Variants in LRRC28 observed in about 807,000 individuals in gnomAD.
LRRC28 encodes the protein leucine rich repeat containing 28, also known as leucine-rich repeat-containing protein 28.
In LRRC28, 39 loss-of-function variants were observed where a neutral mutation model predicts 45.7. The ratio of observed to expected loss-of-function variants is 0.85; its 90% CI spans 0.66 to 1.12. LRRC28 has a LOEUF of 1.12. Among genes scored for constraint, LRRC28 ranks in the 50% most tolerant of loss-of-function variants. LRRC28 has a pLI of 0.00. For synonymous variants in LRRC28, 206 were observed against 178.8 expected (o/e 1.15, Z -1.22); for missense variants, 435 against 438.5 (o/e 0.99, Z 0.07).
intron 3 of LRRC28, chr15:99,286,885 A>G: frequency 6.0e-6 from 1 of 166,956 alleles, no homozygotes; most frequent in Middle Eastern, 2.7e-3. Context: ...TCCTTTACAC[A>G]ATAGGTGTTG....
intron 7 of LRRC28, among the ~76,000 whole-genome samples, chr15:99,353,268 C>G (rs1028449504): frequency 2.6e-5 from 4 of 152,154 alleles, no homozygotes; most frequent in Non-Finnish European, 4.4e-5. Context: ...TTTGACTCTC[C>G]CCTTCTAGTC....
rs376989654 is a variant in LRRC28, at chr15:99,271,755, C to T, written c.169-4821C>T. 3.3e-5 allele frequency among the ~76,000 whole-genome samples: 5 copies of T among 152,270 alleles called. 1 individual carries two copies. Among genetic ancestry groups the T allele is most frequent in the Middle Eastern group, 6.8e-3 (2 of 294 alleles). On this transcript the variant is annotated intron_variant, in intron 2 of 9. Coordinates refer to ENST00000301981, the MANE Select transcript of LRRC28 (RefSeq NM_144598.5). Reference sequence around the variant, plus strand: ...GGTACTATAGGCGCATGCCACCACGCCCGGCTAATTTTTTTGTATTTTTAG... The same window carrying T: ...GGTACTATAGGCGCATGCCACCACGTCCGGCTAATTTTTTTGTATTTTTAG...
intron 2 of LRRC28, among the ~76,000 whole-genome samples, chr15:99,265,702 G>C (rs925534600): frequency 3.3e-5 from 5 of 152,178 alleles, no homozygotes; most frequent in African/African-American, 1.2e-4. Context: ...CCCAGGAAGC[G>C]GGTGTTTCAT....
Position 99,369,017 on chromosome 15 carries a change from A to G in LRRC28, c.1031+5752A>G, listed in dbSNP as rs146529249. Among the ~76,000 whole-genome samples the G allele has an allele frequency of 2.5e-3, 380 of 152,312 alleles. 2 individuals are homozygous for G. Among genetic ancestry groups the G allele is most frequent in the African/African-American group, 8.2e-3 (340 of 41,580 alleles). On this transcript the variant is annotated intron_variant, in intron 9 of 9. Transcript: ENST00000301981. Reference sequence around the variant, plus strand: ...AATTCTGCTTTCCATCCAACAGAACACAATTCACTCAAGTCCTTTGCTACT... The same window carrying G: ...AATTCTGCTTTCCATCCAACAGAACGCAATTCACTCAAGTCCTTTGCTACT...
At chr15:99,313,813 C>G (rs117377034) in intron 5 of LRRC28, among the ~76,000 whole-genome samples, 2 of 152,214 alleles carry the variant, frequency 1.3e-5, no homozygotes, top group East Asian at 1.9e-4. Flanking sequence ...ATTTTGTCCC[C>G]TGCCCCAAAT....
chr15:99,255,822 C>T, intron 1 of LRRC28, 76 bp from the exon 2 acceptor site: 1 of 816,604 alleles, frequency 1.2e-6, no homozygotes, highest in South Asian at 2.4e-5. Flanking sequence ...TCAAGTGGCT[C>T]TGTGTGCTAA....
chr15:99,259,883 G>C (rs913057166), intron 2 of LRRC28: 1 of 760,318 alleles, frequency 1.3e-6, no homozygotes, highest in Non-Finnish European at 2.4e-6. Flanking sequence ...TGATGCAAAG[G>C]TGGAAGAACC....
chr15:99,251,571 A>T (rs1011238428), intron 1 of LRRC28, 30 bp downstream of exon 1: 1 of 152,010 alleles, frequency 6.6e-6, no homozygotes, highest in Non-Finnish European at 1.5e-5. Flanking sequence ...TCGTCGGGTG[A>T]TTCAAGTGGC....
intron 5 of LRRC28, among the ~76,000 whole-genome samples, chr15:99,317,030 G>GT (rs936639525): frequency 1.3e-5 from 2 of 150,708 alleles, no homozygotes; most frequent in African/African-American, 4.9e-5. Flanking sequence ...GGTGGGGAAG[G>GT]TTTTTTTTAA....
At chr15:99,261,456 C>T (rs2081195862) in intron 2 of LRRC28, among the ~76,000 whole-genome samples, 1 of 152,052 alleles carries the variant, frequency 6.6e-6, no homozygotes. Context: ...CTAGCAGATT[C>T]GGTGTCTGGT....
chr15:99,303,083 G>A (rs1336547015), intron 5 of LRRC28, among the ~76,000 whole-genome samples: 1 of 152,184 alleles, frequency 6.6e-6, no homozygotes, highest in Non-Finnish European at 1.5e-5. Context: ...TTCCAAAGTG[G>A]CTGTACCATT....
At chr15:99,287,560 G>A (rs3784602) in intron 4 of LRRC28, among the ~76,000 whole-genome samples, 14,545 of 152,024 alleles carry the variant, frequency 0.096, 975 homozygotes, top group East Asian at 0.32. Flanking sequence ...GATAAAAAAA[G>A]CCCTGTGTAT....
intron 5 of LRRC28, among the ~76,000 whole-genome samples, chr15:99,305,546 TCG>T (rs1213162297): frequency 6.6e-6 from 1 of 152,168 alleles, no homozygotes; most frequent in Non-Finnish European, 1.5e-5. Context: ...ATTTCTGATA[TCG>T]CTAAAACTAA....
At chr15:99,300,385 A>T (rs2082366195) in intron 5 of LRRC28, among the ~76,000 whole-genome samples, 1 of 152,084 alleles carries the variant, frequency 6.6e-6, no homozygotes, top group Non-Finnish European at 1.5e-5. Flanking sequence ...GAAGGAAAGT[A>T]CAAGTCTCAT....
intron 3 of LRRC28, among the ~76,000 whole-genome samples, chr15:99,283,168 C>G (rs1238204127): frequency 6.6e-6 from 1 of 151,750 alleles, no homozygotes; most frequent in Non-Finnish European, 1.5e-5. Flanking sequence ...GCTGGGATTA[C>G]AGGCGTGAGC....
At chr15:99,307,703 TC>T (rs1955238239) in intron 5 of LRRC28, among the ~76,000 whole-genome samples, 1 of 152,254 alleles carries the variant, frequency 6.6e-6, no homozygotes, top group African/African-American at 2.4e-5. Context: ...GGCTCATTGT[TC>T]CTCTGCCATT....
chr15:99,324,637 G>A (rs973146358), intron 5 of LRRC28, among the ~76,000 whole-genome samples: 3 of 152,074 alleles, frequency 2.0e-5, no homozygotes, highest in African/African-American at 7.2e-5. Context: ...TGTTATTTTT[G>A]TGCCTAATCT....
chr15:99,364,201 G>A (rs1046092825), intron 9 of LRRC28, among the ~76,000 whole-genome samples: 4 of 152,174 alleles, frequency 2.6e-5, no homozygotes, highest in African/African-American at 4.8e-5. Flanking sequence ...TTGTGAGAAC[G>A]TGGGCAGGCT....
chr15:99,308,233 C>T (rs781456944), intron 5 of LRRC28, among the ~76,000 whole-genome samples: 1 of 152,118 alleles, frequency 6.6e-6, no homozygotes. Context: ...TCTTACACAA[C>T]GTGACTTAGT....
Sources: gnomAD v4.1 joint callset for allele counts (sites outside exome capture counted in the v4.1 genomes callset) on GRCh38, gnomAD v4.1.1 for gene constraint, MANE v1.5 for transcripts, NCBI Gene and HGNC (gene_info 2026-07-23, HGNC 2026-07-21) for gene names.